PARD3B: variants seen among roughly 807,000 people sequenced by gnomAD.
PARD3B encodes par-3 family cell polarity regulator beta.
In PARD3B, 103 loss-of-function variants were observed where a neutral mutation model predicts 130.2. That is an observed-to-expected ratio of 0.79 (90% CI 0.67 to 0.93). The LOEUF (loss-of-function observed/expected upper bound fraction) is 0.93, where lower values mean the gene tolerates loss of function less well. Ranked by LOEUF, PARD3B falls within the 40% of genes least tolerant of loss-of-function variation. The pLI is 0.00. For missense variants in PARD3B, 1,609 were observed against 1,499.2 expected (o/e 1.07, Z -1.21); for synonymous variants, 583 against 553.2 (o/e 1.05, Z -0.76).
chr2:204,746,947 A>C (rs935984038), intron 2 of PARD3B, among the ~76,000 whole-genome samples: 41 of 152,018 alleles, frequency 2.7e-4, no homozygotes, highest in Non-Finnish European at 5.4e-4. Context: ...TTCTGATGGT[A>C]GTTTCTTTTG....
chr2:204,793,245 G>A (rs1452834571), intron 2 of PARD3B, among the ~76,000 whole-genome samples: 1 of 152,014 alleles, frequency 6.6e-6, no homozygotes, highest in East Asian at 1.9e-4. Context: ...ATATTTTAGA[G>A]GACTATTTCC....
intron 2 of PARD3B, among the ~76,000 whole-genome samples, chr2:204,945,371 T>G (rs1185240778): frequency 6.6e-6 from 1 of 152,196 alleles, no homozygotes; most frequent in East Asian, 1.9e-4. Context: ...AGATCCTTGC[T>G]GGGCCCTTCA....
chr2:205,184,767 T>C (rs115113091), intron 13 of PARD3B, among the ~76,000 whole-genome samples: 3,501 of 150,140 alleles, frequency 0.023, 46 homozygotes, highest in Non-Finnish European at 0.031. Context: ...AATAAATATA[T>C]ACACACACAC....
At chr2:205,152,090 T>G (rs2033797882) in intron 10 of PARD3B, among the ~76,000 whole-genome samples, 1 of 152,200 alleles carries the variant, frequency 6.6e-6, no homozygotes, top group Non-Finnish European at 1.5e-5. Context: ...ATATTGGGCC[T>G]TACTCTCTTC....
At chr2:205,054,882 C>G (rs2125436337) in intron 4 of PARD3B, among the ~76,000 whole-genome samples, 1 of 152,240 alleles carries the variant, frequency 6.6e-6, no homozygotes, top group South Asian at 2.1e-4. Flanking sequence ...TTTTAACCAT[C>G]AAAATGAGTG....
At chr2:204,995,035 A>G (rs1008196048) in intron 3 of PARD3B, among the ~76,000 whole-genome samples, 4 of 150,978 alleles carry the variant, frequency 2.6e-5, no homozygotes, top group African/African-American at 4.9e-5. Context: ...TCTTTATCCA[A>G]CTTGCCAGTC....
At chr2:205,098,464 C>G (rs1368671836) in intron 4 of PARD3B, among the ~76,000 whole-genome samples, 1 of 151,962 alleles carries the variant, frequency 6.6e-6, no homozygotes, top group Admixed American at 6.6e-5. Flanking sequence ...GATGAAAAAC[C>G]GAGCAATAAA....
At chr2:204,755,773 T>C (rs775771569) in intron 2 of PARD3B, among the ~76,000 whole-genome samples, 2 of 152,112 alleles carry the variant, frequency 1.3e-5, no homozygotes, top group Non-Finnish European at 2.9e-5. Context: ...AGAAATAAGC[T>C]CTTACCATCA....
At chr2:205,073,159 G>A (rs1399301745) in intron 4 of PARD3B, among the ~76,000 whole-genome samples, 5 of 152,096 alleles carry the variant, frequency 3.3e-5, no homozygotes, top group Non-Finnish European at 7.4e-5. Flanking sequence ...TTACCCTAGA[G>A]CTGAATAAAT....
chr2:205,105,297 G>A lies in PARD3B; in HGVS notation c.593+783G>A, dbSNP rs1703121429. Among the ~76,000 whole-genome samples, 1 of 152,148 alleles carries A rather than the reference G, an allele frequency of 6.6e-6. No individual in the cohort carries two copies. Among genetic ancestry groups the A allele is most frequent in the Admixed American group, 6.5e-5 (1 of 15,278 alleles). ...AGGATAAATCCTGTGAGTGTTTGCT[G>A]CTGTTTCTACTACTATCATTAATAT... On this transcript the variant is annotated intron_variant, in intron 5 of 22. Coordinates refer to ENST00000406610, the MANE Select transcript of PARD3B (RefSeq NM_001302769.2). The surrounding 1 kb of genome is among the most constrained non-coding windows in gnomAD (Gnocchi z 4.0).
intron 15 of PARD3B, among the ~76,000 whole-genome samples, chr2:205,200,358 T>A (rs193199237): frequency 2.0e-5 from 3 of 152,354 alleles, no homozygotes; most frequent in Admixed American, 6.5e-5. Context: ...TATACTTCCC[T>A]GTCTGTTATA....
chr2:205,205,112 C>A (rs2037211338), intron 15 of PARD3B, among the ~76,000 whole-genome samples: 1 of 151,978 alleles, frequency 6.6e-6, no homozygotes, highest in Non-Finnish European at 1.5e-5. Flanking sequence ...GTTTGTTTCC[C>A]CTCTTATTTC....
At position 205,116,044 on chromosome 2, in the gene PARD3B, A is replaced by G. The variant is rs1484976853; in HGVS notation, c.680+2467A>G. ...AATTATAGTGGCTGCTCTGCTAGAT[A>G]AAGCCTCAATGAATTCATTAGATAC... is the stretch of plus-strand genomic sequence containing the variant. On this transcript the variant is annotated intron_variant, in intron 6 of 22. Transcript: ENST00000406610. The surrounding 1 kb of genome is among the most constrained non-coding windows in gnomAD (Gnocchi z 4.5). 6.6e-6 allele frequency among the ~76,000 whole-genome samples: 1 copy of G among 152,122 alleles called. No homozygotes were observed. The highest frequency in any genetic ancestry group is 1.5e-5 in the Non-Finnish European group (1 of 68,034).
At chr2:204,586,452 A>T (rs567222002) in intron 1 of PARD3B, among the ~76,000 whole-genome samples, 7 of 152,180 alleles carry the variant, frequency 4.6e-5, no homozygotes, top group Non-Finnish European at 1.0e-4. Flanking sequence ...AGCTACTTAA[A>T]CACTAAGAGA....
At chr2:204,764,567 G>A (rs151006353) in intron 2 of PARD3B, among the ~76,000 whole-genome samples, 1 of 152,030 alleles carries the variant, frequency 6.6e-6, no homozygotes, top group Non-Finnish European at 1.5e-5. Context: ...TCACAGTTTT[G>A]ATAGAAGTTT....
chr2:204,622,204 G>A lies in PARD3B; in HGVS notation c.121-63977G>A, dbSNP rs144264930. Among the ~76,000 whole-genome samples, 17 of 152,274 alleles carry A rather than the reference G, an allele frequency of 1.1e-4. No individual in the cohort carries two copies. The East Asian group carries it at 3.3e-3, about 29-fold the overall frequency. Reference sequence around the variant, plus strand: ...CATTGTGCTGTCTTTCCAGGATGATGTGCGTGATACTCACTAACTCAAAAC... The same window carrying A: ...CATTGTGCTGTCTTTCCAGGATGATATGCGTGATACTCACTAACTCAAAAC... On this transcript the variant is annotated intron_variant, in intron 1 of 22. Coordinates refer to ENST00000406610, the MANE Select transcript of PARD3B (RefSeq NM_001302769.2).
rs903721483 is a variant in PARD3B, at chr2:205,258,902, GT to G, written c.2185+13081del. On this transcript the variant is annotated intron_variant, in intron 16 of 22. Transcript: ENST00000406610. This position sits in a 1 kb window ranked among gnomAD's most constrained non-coding sequence, Gnocchi z 4.9. ...TTTAATGACCTTTTTTCCCTCTCTTGTCATTTTAGGCTGAATTGCTTTTTAA... is the reference window on the plus strand; with the variant it reads ...TTTAATGACCTTTTTTCCCTCTCTTGCATTTTAGGCTGAATTGCTTTTTAA... Among the ~76,000 whole-genome samples the G allele has an allele frequency of 2.0e-5, 3 of 151,752 alleles. No homozygotes were observed. The highest frequency in any genetic ancestry group is 7.3e-5 in the African/African-American group (3 of 41,294).
intron 10 of PARD3B, among the ~76,000 whole-genome samples, chr2:205,157,853 A>G (rs145602850): frequency 6.6e-6 from 1 of 152,296 alleles, no homozygotes; most frequent in Non-Finnish European, 1.5e-5. Flanking sequence ...TGTGGACAGC[A>G]CTTGTCTGTT....
intron 20 of PARD3B, among the ~76,000 whole-genome samples, chr2:205,496,704 T>C (rs1262670292): frequency 6.6e-6 from 1 of 152,188 alleles, no homozygotes; most frequent in East Asian, 1.9e-4. Context: ...TTTAAATTTA[T>C]GCATTTATAG....
Sources: gnomAD v4.1 joint callset for allele counts (sites outside exome capture counted in the v4.1 genomes callset) on GRCh38, gnomAD v4.1.1 for gene constraint, Gnocchi (gnomAD v3.1) non-coding constraint, MANE v1.5 for transcripts, NCBI Gene and HGNC (gene_info 2026-07-23, HGNC 2026-07-21) for gene names.